The following FLT4 variants were observed in gnomAD, a reference collection of about 807,000 sequenced individuals.
The protein encoded by FLT4 is fms related receptor tyrosine kinase 4, also known as vascular endothelial growth factor receptor 3.
Under a neutral mutation model 163.2 loss-of-function variants are expected in FLT4, and 30 were observed. The observed-to-expected ratio is 0.18, with a 90% confidence interval of 0.14 to 0.25. The LOEUF (loss-of-function observed/expected upper bound fraction) is 0.25, where lower values mean the gene tolerates loss of function less well. Among genes scored for constraint, FLT4 ranks in the 10% least tolerant of loss-of-function variants. FLT4 has a pLI of 1.00. For missense variants in FLT4, 1,510 were observed against 1,863.8 expected, an observed-to-expected ratio of 0.81 and a Z score of 3.50; for synonymous variants, 884 against 789.5, an observed-to-expected ratio of 1.12 and a Z score of -2.01.
At position 180,641,026 on chromosome 5, in the gene FLT4, T is replaced by G. The variant is rs139777069; in HGVS notation, c.58+8462A>C. Among the ~76,000 whole-genome samples the G allele has an allele frequency of 4.9e-3, 746 of 152,290 alleles. 6 individuals carry two copies. The highest frequency in any genetic ancestry group is 0.017 in the African/African-American group (696 of 41,570). On this transcript the variant is annotated intron_variant, in intron 1 of 29. Transcript: ENST00000261937. ...ATGAGAGATTGAGGGTAGAACTAGC[T>G]GCATCCTCGCAGCCCTGCCCTCGCC...
chr5:180,605,156 C>T (rs1214530720), intron 29 of FLT4, among the ~76,000 whole-genome samples: 3 of 152,204 alleles, frequency 2.0e-5, no homozygotes, highest in Non-Finnish European at 2.9e-5. Context: ...GTAGAGACAG[C>T]GTCTCATTCT....
rs1255275774 is a variant in FLT4 at position 180,621,529 on chromosome 5, C to T, written c.2020+13G>A. 2 of 1,610,966 alleles carry T rather than the reference C, an allele frequency of 1.2e-6. No homozygotes were observed. On this transcript the variant is annotated intron_variant, in intron 13 of 29. Coordinates refer to ENST00000261937, the MANE Select transcript of FLT4 (RefSeq NM_182925.5). ...AGAGAGCGCGTCCCCGCCCTCCCCG[C>T]GGCCAGCCTCACCCTGCACCGACAG...
upstream of FLT4, chr5:180,649,604 C>A: frequency 9.5e-7 from 1 of 1,055,950 alleles, no homozygotes; most frequent in East Asian, 4.0e-5. Context: ...TGAAAGTGTC[C>A]GCGCGGGCGC....
rs1293630104 is a variant in FLT4, at chr5:180,645,612, C to A, written c.58+3876G>T. Among the ~76,000 whole-genome samples, 6 of 152,160 alleles carry A rather than the reference C, an allele frequency of 3.9e-5. 1 individual carries two copies. The highest frequency in any genetic ancestry group is 1.4e-4 in the African/African-American group (6 of 41,436). On this transcript the variant is annotated intron_variant, in intron 1 of 29. Coordinates refer to ENST00000261937, the MANE Select transcript of FLT4 (RefSeq NM_182925.5). ...CTCCCCTACTCACCACCTGGATCTA[C>A]CCAGGCCTGGCCGTGGGCTAGGGTG...
In FLT4 at chr5:180,649,398, C is replaced by A. The variant is rs533468760; in HGVS notation, c.58+90G>T. 2.2e-4 allele frequency: 214 copies of A among 981,928 alleles called. No individual in the cohort carries two copies. The African/African-American group carries it at 3.4e-3, about 16-fold the overall frequency. The allele number at this position is 981,928 out of a possible 1,614,324, so 60.8% of individuals were successfully genotyped here. On this transcript the variant is annotated intron_variant, in intron 1 of 29. Coordinates refer to ENST00000261937, the MANE Select transcript of FLT4 (RefSeq NM_182925.5). ...CACCGTGTCCCCCGCCCGTACCCGG[C>A]GGAGCGGTCTCAGCGCCCGCCCCAG...
At position 180,621,694 on chromosome 5, in the gene FLT4, C is replaced by T. The variant is rs749828912; in HGVS notation, c.1868G>A (p.Ser623Asn). ...VHLFATPLAASLEEVAPGARH... is the reference protein window; with the variant it reads ...VHLFATPLAANLEEVAPGARH... ...CGCCCCAGGTGCCACCTCCTCCAGG[C>T]TGGCGGCCAGAGGGGTGGCGAACAG... The change falls in exon 13 of 30, where the codon AGC becomes AAC. Residue 623 changes from serine (S) to asparagine (N), a missense_variant. By Grantham distance (46) the Ser-to-Asn change is conservative (BLOSUM62 1). This residue lies in a region of FLT4 where 878 missense variants were observed against 1,016.7 expected (regional missense o/e 0.86). Coordinates refer to ENST00000261937, the MANE Select transcript of FLT4 (RefSeq NM_182925.5). 25 of 1,612,566 alleles carry T rather than the reference C, an allele frequency of 1.6e-5. No individual in the cohort carries two copies. In the South Asian group the frequency reaches 2.1e-4, roughly 13 times the overall value.
Position 180,611,342 on chromosome 5 carries a change from G to T in FLT4, c.3675C>A (p.Ser1225Arg). 1 of 1,613,862 alleles carries T rather than the reference G, an allele frequency of 6.2e-7. No individual in the cohort carries two copies. Among genetic ancestry groups the T allele is most frequent in the South Asian group, 1.1e-5 (1 of 91,082 alleles). ...GCAGGACAGCTGACCTGGCGGCCAG[G>T]CTGTGGCGCTGCAGGCTTGGCGGGC... ...EDSPPSLQRH[S>R]LAARYYNWVS... The change falls in exon 27 of 30, where the codon AGC becomes AGA. Residue 1225 changes from serine (S) to arginine (R), a missense_variant. By Grantham distance (110) the Ser-to-Arg change is moderately radical. This residue lies in a region of FLT4 where 295 missense variants were observed against 311.0 expected (regional missense o/e 0.95). Transcript: ENST00000261937.
At chr5:180,609,135 G>T in intron 28 of FLT4, 82 bp from the exon 29 acceptor site, 1 of 1,153,468 alleles carries the variant, frequency 8.7e-7, no homozygotes, top group Non-Finnish European at 1.3e-6. Flanking sequence ...GGAAAGTGCG[G>T]CATGGTCCTG....
Position 180,602,570 on chromosome 5 carries a change from C to T in FLT4, c.*622G>A, listed in dbSNP as rs1761570360. The T allele has an allele frequency of 5.0e-6, 2 of 400,284 alleles. No homozygotes were observed. Among genetic ancestry groups the T allele is most frequent in the Non-Finnish European group, 4.4e-6 (1 of 226,994 alleles). The allele number at this position is 400,284 out of a possible 1,614,324, so 24.8% of individuals were successfully genotyped here. The stretch of plus-strand genomic sequence containing the variant: ...AGGTGTGCGGGCTGCCTCTGTGTTG[C>T]CAGCGTATAATACTGTCATACTGGT... On this transcript the variant is annotated 3_prime_UTR_variant, in exon 30 of 30. Transcript: ENST00000261937.
intron 26 of FLT4, 141 bp from the exon 27 acceptor site, chr5:180,611,620 C>T (rs1170166877): frequency 2.4e-5 from 21 of 879,868 alleles, no homozygotes; most frequent in South Asian, 6.4e-5. Flanking sequence ...CTCTCGCCCC[C>T]GCCCTCGCCC....
chr5:180,649,398 C>G, intron 1 of FLT4, 90 bp downstream of exon 1: 1 of 981,926 alleles, frequency 1.0e-6, no homozygotes, highest in Non-Finnish European at 1.4e-6. Context: ...CCGTACCCGG[C>G]GGAGCGGTCT....
chr5:180,648,773 C>G (rs1765604357), intron 1 of FLT4, among the ~76,000 whole-genome samples: 1 of 152,244 alleles, frequency 6.6e-6, no homozygotes, highest in Non-Finnish European at 1.5e-5. Context: ...GCAGGGGACC[C>G]TCCCGCGGGG....
chr5:180,639,058 G>C (rs1002148217), intron 1 of FLT4, among the ~76,000 whole-genome samples: 1 of 151,964 alleles, frequency 6.6e-6, no homozygotes. Context: ...TGGGTGCAAG[G>C]GTAGATGGAT....
chr5:180,647,128 T>G (rs1765527023), intron 1 of FLT4, among the ~76,000 whole-genome samples: 1 of 152,156 alleles, frequency 6.6e-6, no homozygotes, highest in Non-Finnish European at 1.5e-5. Context: ...ACCAGGCCAC[T>G]CCAGATGCCC....
At chr5:180,634,736 A>T (rs1377255895) in intron 1 of FLT4, among the ~76,000 whole-genome samples, 2 of 133,300 alleles carry the variant, frequency 1.5e-5, no homozygotes, top group Non-Finnish European at 3.2e-5. Flanking sequence ...TGGATGATGG[A>T]TGGAAACGGG....
At position 180,603,193 on chromosome 5, in the gene FLT4, T is replaced by C. The variant is rs201631586; in HGVS notation, c.4091A>G (p.Ter1364=). Residue 1364 remains the stop codon, a stop_retained_variant, in exon 30 of 30, where the codon TAA becomes TGA. Coordinates refer to ENST00000261937, the MANE Select transcript of FLT4 (RefSeq NM_182925.5). ...RVTFFTDNSY[*] ...GCTGGGGGTCTTGTCCGATGCTGCT[T>C]AGTAGCTGTTGTCTGTGAAGAAAGT... is the stretch of plus-strand genomic sequence containing the variant. The C allele has an allele frequency of 6.2e-7, 1 of 1,613,756 alleles. No homozygotes were observed. Among genetic ancestry groups the C allele is most frequent in the East Asian group, 2.2e-5 (1 of 44,874 alleles).
intron 10 of FLT4, among the ~76,000 whole-genome samples, chr5:180,625,297 A>C (rs1763515274): frequency 6.6e-6 from 1 of 152,168 alleles, no homozygotes. Flanking sequence ...CATCCCGCTC[A>C]GTGGAGGGGA....
chr5:180,641,946 C>T lies in FLT4; in HGVS notation c.58+7542G>A, dbSNP rs748416507. Among the ~76,000 whole-genome samples the T allele has an allele frequency of 5.3e-5, 8 of 152,150 alleles. No homozygotes were observed. The East Asian group carries it at 5.8e-4, about 11-fold the overall frequency. The stretch of plus-strand genomic sequence containing the variant: ...ACTGTCGGCTGGGCACAGTGGCTCA[C>T]GCCTGTAATCACAGCACTTTGGGAG... On this transcript the variant is annotated intron_variant, in intron 1 of 29. Coordinates refer to ENST00000261937, the MANE Select transcript of FLT4 (RefSeq NM_182925.5).
At chr5:180,640,339 A>T (rs1195844316) in intron 1 of FLT4, among the ~76,000 whole-genome samples, 1 of 152,218 alleles carries the variant, frequency 6.6e-6, no homozygotes, top group African/African-American at 2.4e-5. Context: ...GCCACGTGGG[A>T]GCCCAGTCTG....
Sources: gnomAD v4.1 joint callset for allele counts (sites outside exome capture counted in the v4.1 genomes callset) on GRCh38, gnomAD v4.1.1 for gene constraint, gnomAD v4.1.1 regional missense constraint, MANE v1.5 for transcripts, NCBI Gene and HGNC (gene_info 2026-07-23, HGNC 2026-07-21) for gene names.